ZNF597: variants seen among roughly 807,000 people sequenced by gnomAD.
ZNF597 encodes zinc finger protein 597.
In ZNF597, 5 loss-of-function variants were observed where a neutral mutation model predicts 7.3. That is an observed-to-expected ratio of 0.68 (90% confidence interval 0.36 to 1.44). The LOEUF is 1.44. ZNF597 is among the 40% of genes most tolerant of loss of function. The pLI is 0.04. For synonymous variants in ZNF597, 209 were observed against 185.4 expected, an observed-to-expected ratio of 1.13 and a Z score of -1.04; for missense variants, 585 against 517.9, an observed-to-expected ratio of 1.13 and a Z score of -1.26.
chr16:3,436,841 A>C lies in ZNF597; in HGVS notation c.858T>G (p.Pro286=). The C allele has an allele frequency of 6.2e-7, 1 of 1,614,062 alleles. No homozygotes were observed. Among genetic ancestry groups the C allele is most frequent in the Non-Finnish European group, 8.5e-7 (1 of 1,180,040 alleles). ...HFNEKPNLAL[P]EETFVSGPQY... is the part of the protein sequence containing the mutation. ...GGGGGCCTGATACGAATGTTTCCTC[A>C]GGCAAAGCAAGATTTGGTTTCTCAT... The change falls in exon 4 of 4, where the codon CCT becomes CCG. Residue 286 remains proline (P), a synonymous_variant. Transcript: ENST00000301744.
intron 3 of ZNF597, among the ~76,000 whole-genome samples, chr16:3,439,654 C>G (rs762649974): frequency 6.6e-6 from 1 of 151,670 alleles, no homozygotes; most frequent in African/African-American, 2.4e-5. Flanking sequence ...TTGAAACAGT[C>G]AAACTGACTC....
chr16:3,443,110 C>A lies in ZNF597; in HGVS notation c.33+11G>T. 1 of 1,614,190 alleles carries A rather than the reference C, an allele frequency of 6.2e-7. No homozygotes were observed. Among genetic ancestry groups the A allele is most frequent in the African/African-American group, 1.3e-5 (1 of 75,054 alleles). ...GCAATAAACTTGGACGAAAAAGGTA[C>A]CTCGACTCACCTGGGCCTCGGGCGT... On this transcript the variant is annotated intron_variant, in intron 2 of 3. Coordinates refer to ENST00000301744, the MANE Select transcript of ZNF597 (RefSeq NM_152457.3).
rs888206837 is a variant in ZNF597, at chr16:3,432,825, A to G, written c.*3599T>C. 13 of 152,372 alleles carry G rather than the reference A, an allele frequency of 8.5e-5. No homozygotes were observed. Among genetic ancestry groups the G allele is most frequent in the Admixed American group, 8.5e-4 (13 of 15,304 alleles). The allele number at this position is 152,372 out of a possible 1,614,324, so 9.4% of individuals were successfully genotyped here. ...TACATACACTTCTAATGTAATGAACATCATTTTGTTAAACAGATGGTCAAA... is the reference window on the plus strand; with the variant it reads ...TACATACACTTCTAATGTAATGAACGTCATTTTGTTAAACAGATGGTCAAA... On this transcript the variant is annotated 3_prime_UTR_variant, in exon 4 of 4. Transcript: ENST00000301744.
intron 3 of ZNF597, among the ~76,000 whole-genome samples, chr16:3,439,895 C>A (rs1338757657): frequency 3.3e-5 from 5 of 151,980 alleles, no homozygotes; most frequent in African/African-American, 1.2e-4. Flanking sequence ...GTTTAAATAA[C>A]CATTATAAAT....
rs138188994 is a variant in ZNF597 at position 3,443,028 on chromosome 16, A to G, written c.33+93T>C. ...TTTGGGGCTCAGGAGCACTCCTACCACAACAGGCATGCCCAACTCTCCTCC... is the reference window on the plus strand; with the variant it reads ...TTTGGGGCTCAGGAGCACTCCTACCGCAACAGGCATGCCCAACTCTCCTCC... On this transcript the variant is annotated intron_variant, in intron 2 of 3. Transcript: ENST00000301744. The G allele has an allele frequency of 1.3e-4, 198 of 1,511,930 alleles. No individual in the cohort carries two copies. In the African/African-American group the frequency reaches 2.4e-3, roughly 18 times the overall value. 93.7% of individuals were successfully genotyped at this position (1,511,930 alleles called of 1,614,324 possible).
rs375516456 is a variant in ZNF597 at position 3,443,137 on chromosome 16, G to A, written c.17C>T (p.Pro6Leu). MASMP[P>L]TPEAQGPILF... ...TCGACTCACCTGGGCCTCGGGCGTCGGGGGCATGGACGCCATTTGGCGGGT... is the reference window on the plus strand; with the variant it reads ...TCGACTCACCTGGGCCTCGGGCGTCAGGGGCATGGACGCCATTTGGCGGGT... Residue 6 changes from proline to leucine, a missense_variant, in exon 2 of 4, where the codon CCG becomes CTG. Transcript: ENST00000301744. The A allele has an allele frequency of 1.9e-6, 3 of 1,613,432 alleles. No homozygotes were observed. Among genetic ancestry groups the A allele is most frequent in the Non-Finnish European group, 2.5e-6 (3 of 1,179,758 alleles).
At position 3,433,446 on chromosome 16, in the gene ZNF597, T is replaced by C. The variant is rs999043226; in HGVS notation, c.*2978A>G. 1 of 152,236 alleles carries C rather than the reference T, an allele frequency of 6.6e-6. No homozygotes were observed. The highest frequency in any genetic ancestry group is 2.4e-5 in the African/African-American group (1 of 41,460). 9.4% of individuals were successfully genotyped at this position (152,236 alleles called of 1,614,324 possible). On this transcript the variant is annotated 3_prime_UTR_variant, in exon 4 of 4. Coordinates refer to ENST00000301744, the MANE Select transcript of ZNF597 (RefSeq NM_152457.3). ...TGAGTCAATTTATTCAGCACAAAGT[T>C]TTCACTCTCATAGTGTGTTGATTTC...
chr16:3,441,236 G>A (rs1275909398), intron 2 of ZNF597, among the ~76,000 whole-genome samples: 1 of 152,192 alleles, frequency 6.6e-6, no homozygotes, highest in Non-Finnish European at 1.5e-5. Flanking sequence ...ACCATTAAGT[G>A]AGGATGCTCT....
At position 3,433,985 on chromosome 16, in the gene ZNF597, A is replaced by C. The variant is rs1485912009; in HGVS notation, c.*2439T>G. ...AAATCTGGAGAAAACTGCAAAAAAA[A>C]AAATTAGAGGTTAATTGTGAAGGAA... On this transcript the variant is annotated 3_prime_UTR_variant, in exon 4 of 4. Transcript: ENST00000301744. 1 of 152,244 alleles carries C rather than the reference A, an allele frequency of 6.6e-6. No homozygotes were observed. The highest frequency in any genetic ancestry group is 1.5e-5 in the Non-Finnish European group (1 of 68,040). 9.4% of individuals were successfully genotyped at this position (152,244 alleles called of 1,614,324 possible).
intron 2 of ZNF597, among the ~76,000 whole-genome samples, chr16:3,441,925 A>G (rs909562598): frequency 1.4e-4 from 21 of 150,956 alleles, no homozygotes; most frequent in African/African-American, 4.6e-4. Context: ...GATTGCAGTG[A>G]GCCGAGATCG....
At chr16:3,442,976 A>T (rs934757632) in intron 2 of ZNF597, 145 bp downstream of exon 2, 26 of 939,672 alleles carry the variant, frequency 2.8e-5, no homozygotes, top group Non-Finnish European at 3.9e-5. Context: ...GTGGTCTTGG[A>T]ACGAAGAACA....
Position 3,437,123 on chromosome 16 carries a change from G to T in ZNF597, c.576C>A (p.Ile192=). Reference sequence around the variant, plus strand: ...TCCTCAGGTTGGCTCTATGATTGAAGATCTTTCCACAGTCACCACATTTAT... The same window carrying T: ...TCCTCAGGTTGGCTCTATGATTGAATATCTTTCCACAGTCACCACATTTAT... The part of the protein sequence containing the change: ...KKHKCGDCGK[I]FNHRANLRTH... The change falls in exon 4 of 4, where the codon ATC becomes ATA. Residue 192 remains isoleucine (I), a synonymous_variant. Coordinates refer to ENST00000301744, the MANE Select transcript of ZNF597 (RefSeq NM_152457.3). The T allele has an allele frequency of 6.2e-7, 1 of 1,614,148 alleles. No individual in the cohort carries two copies. The highest frequency in any genetic ancestry group is 8.5e-7 in the Non-Finnish European group (1 of 1,180,022).
At chr16:3,439,984 T>C (rs368223246) in intron 3 of ZNF597, among the ~76,000 whole-genome samples, 17 of 152,200 alleles carry the variant, frequency 1.1e-4, no homozygotes, top group Non-Finnish European at 1.8e-4. Context: ...ATATGAGTTA[T>C]TCAGAATAAC....
rs1277686647 is a variant in ZNF597, at chr16:3,443,045, C to A, written c.33+76G>T. 2.5e-6 allele frequency: 4 copies of A among 1,580,056 alleles called. No homozygotes were observed. In the African/African-American group the frequency reaches 4.0e-5, roughly 16 times the overall value. ...CTCCTACCACAACAGGCATGCCCAA[C>A]TCTCCTCCAAAGGAGGGGGTCAGGC... On this transcript the variant is annotated intron_variant, in intron 2 of 3. Transcript: ENST00000301744.
At position 3,437,357 on chromosome 16, in the gene ZNF597, T is replaced by C; in HGVS notation, c.342A>G (p.Arg114=). 4 of 1,614,138 alleles carry C rather than the reference T, an allele frequency of 2.5e-6. No homozygotes were observed. The highest frequency in any genetic ancestry group is 3.4e-6 in the Non-Finnish European group (4 of 1,180,030). Residue 114 remains arginine, a synonymous_variant, in exon 4 of 4, where the codon AGA becomes AGG. Transcript: ENST00000301744. Reference sequence around the variant, plus strand: ...TGGTAACTAAAAGGCTGATGACCCTTCTCTTGTAAGTGGGAGTTCCACTTA... The same window carrying C: ...TGGTAACTAAAAGGCTGATGACCCTCCTCTTGTAAGTGGGAGTTCCACTTA... ...KILSGTPTYK[R]RVISLLVTIE... is the part of the protein sequence containing the mutation.
intron 2 of ZNF597, 103 bp downstream of exon 2, chr16:3,443,018 C>T: frequency 1.4e-6 from 2 of 1,398,134 alleles, no homozygotes; most frequent in Admixed American, 1.7e-5. Context: ...GGCTCAGGAG[C>T]ACTCCTACCA....
rs1397719642 is a variant in ZNF597, at chr16:3,437,428, C to G, written c.271G>C (p.Glu91Gln). ...CCAACTCCATCCTCAGAGGATTTTTCTGGGTAAGGGACAAGGGGTGCAGCA... is the reference window on the plus strand; with the variant it reads ...CCAACTCCATCCTCAGAGGATTTTTGTGGGTAAGGGACAAGGGGTGCAGCA... ...PIAAPLVPYPEKSSEDGVGNP... is the reference protein window; with the variant it reads ...PIAAPLVPYPQKSSEDGVGNP... Residue 91 changes from glutamate to glutamine, a missense_variant, in exon 4 of 4, where the codon GAA becomes CAA. Glu to Gln is a conservative substitution (Grantham distance 29). Coordinates refer to ENST00000301744, the MANE Select transcript of ZNF597 (RefSeq NM_152457.3). 4 of 1,614,072 alleles carry G rather than the reference C, an allele frequency of 2.5e-6. No homozygotes were observed. Among genetic ancestry groups the G allele is most frequent in the Non-Finnish European group, 3.4e-6 (4 of 1,180,010 alleles).
Position 3,443,417 on chromosome 16 carries a change from C to G in ZNF597, c.-111G>C. The G allele has an allele frequency of 1.9e-6, 1 of 525,266 alleles. No homozygotes were observed. 32.5% of individuals were successfully genotyped at this position (525,266 alleles called of 1,614,324 possible). A position where few individuals can be genotyped will look rare whatever the true frequency, so the allele number is the denominator to read the frequency against. On this transcript the variant is annotated 5_prime_UTR_variant, in exon 1 of 4. Transcript: ENST00000301744. ...CTGACAGGAGCTGCAGAAAGCGACG[C>G]CCGACCGAGACGCGACGAAGAACGC...
chr16:3,441,787 C>CA (rs937820880), intron 2 of ZNF597, among the ~76,000 whole-genome samples: 121 of 150,510 alleles, frequency 8.0e-4, no homozygotes, highest in Non-Finnish European at 1.6e-3. Context: ...AAAACAACAA[C>CA]AAAAAAAACT....
Sources: gnomAD v4.1 joint callset for allele counts (sites outside exome capture counted in the v4.1 genomes callset) on GRCh38, gnomAD v4.1.1 for gene constraint, MANE v1.5 for transcripts, NCBI Gene and HGNC (gene_info 2026-07-23, HGNC 2026-07-21) for gene names.